FAM13A: variants seen among roughly 807,000 people sequenced by gnomAD.
The protein encoded by FAM13A is family with sequence similarity 13 member A, also known as protein FAM13A.
FAM13A carries 76 observed loss-of-function variants against 129.6 expected under a neutral mutation model. That is an observed-to-expected ratio of 0.59 (90% CI 0.49 to 0.71). The LOEUF is 0.71. Ranked by LOEUF, FAM13A falls within the 30% of genes least tolerant of loss-of-function variation. The pLI, the probability that FAM13A is intolerant of heterozygous loss-of-function variation, is 0.00. For missense variants in FAM13A, 1,108 were observed against 1,249.3 expected (o/e 0.89, Z 1.70); for synonymous variants, 443 against 449.9 (o/e 0.98, Z 0.20).
At chr4:88,813,172 C>T in intron 7 of FAM13A, among the ~76,000 whole-genome samples, 1 of 152,108 alleles carries the variant, frequency 6.6e-6, no homozygotes, top group Non-Finnish European at 1.5e-5. Context: ...TGAGTATGGC[C>T]TTGCCACACA....
At chr4:88,842,361 A>C (rs986561487) in intron 7 of FAM13A, among the ~76,000 whole-genome samples, 3 of 152,264 alleles carry the variant, frequency 2.0e-5, no homozygotes, top group Admixed American at 6.5e-5. Context: ...GCTCAGATAT[A>C]GAATGAAGAA....
chr4:88,843,887 G>A (rs1385474288), intron 7 of FAM13A, among the ~76,000 whole-genome samples: 1 of 152,192 alleles, frequency 6.6e-6, no homozygotes, highest in African/African-American at 2.4e-5. Flanking sequence ...GCGCACGGCT[G>A]TCCTGGCTTC....
intron 6 of FAM13A, among the ~76,000 whole-genome samples, chr4:88,858,208 C>T (rs1738877750): frequency 6.6e-6 from 1 of 152,186 alleles, no homozygotes; most frequent in South Asian, 2.1e-4. Context: ...TTAGAAGCTA[C>T]TCAGGTAAAT....
At chr4:88,786,751 T>C (rs1273067) in intron 10 of FAM13A, among the ~76,000 whole-genome samples, 1 of 152,286 alleles carries the variant, frequency 6.6e-6, no homozygotes, top group East Asian at 1.9e-4. Flanking sequence ...TTTATACTGT[T>C]TATCTTTTAT....
chr4:88,815,234 A>AC (rs760029788), intron 7 of FAM13A, among the ~76,000 whole-genome samples: 6 of 151,354 alleles, frequency 4.0e-5, no homozygotes, highest in African/African-American at 1.2e-4. Context: ...GTCTTAAACC[A>AC]CCCCCCCACC....
At position 88,838,964 on chromosome 4, in the gene FAM13A, TC is replaced by T. The variant is rs572673128; in HGVS notation, c.1007+12055del. ...CCTGTTCACAGCATTTTTTCATTTTTCCCTTCTTTGTGTTTTTTTCATTGTT... is the reference window on the plus strand; with the variant it reads ...CCTGTTCACAGCATTTTTTCATTTTTCCTTCTTTGTGTTTTTTTCATTGTT... On this transcript the variant is annotated intron_variant, in intron 7 of 23. Coordinates refer to ENST00000264344, the MANE Select transcript of FAM13A (RefSeq NM_014883.4). 6.6e-5 allele frequency among the ~76,000 whole-genome samples: 10 copies of T among 152,278 alleles called. No homozygotes were observed. In the South Asian group the frequency reaches 2.1e-3, roughly 32 times the overall value.
intron 4 of FAM13A, among the ~76,000 whole-genome samples, chr4:88,967,489 G>A (rs553297508): frequency 5.2e-4 from 79 of 152,286 alleles, no homozygotes; most frequent in Admixed American, 1.0e-3. Context: ...TTATTGGTAA[G>A]TTCCATGTGG....
At chr4:88,919,067 TCTGACA>T (rs1750577915) in intron 5 of FAM13A, among the ~76,000 whole-genome samples, 1 of 152,218 alleles carries the variant, frequency 6.6e-6, no homozygotes, top group South Asian at 2.1e-4. Context: ...CATTAACTAC[TCTGACA>T]CTATTTTCCC....
At chr4:88,853,585 C>T (rs1490956879) in intron 6 of FAM13A, among the ~76,000 whole-genome samples, 4 of 152,108 alleles carry the variant, frequency 2.6e-5, no homozygotes, top group African/African-American at 4.8e-5. Flanking sequence ...TAGTTCCCTG[C>T]CCATATTAAA....
At chr4:89,026,353 G>A (rs917687409) in intron 2 of FAM13A, among the ~76,000 whole-genome samples, 1 of 152,168 alleles carries the variant, frequency 6.6e-6, no homozygotes, top group Non-Finnish European at 1.5e-5. Flanking sequence ...ATCCAGAGCT[G>A]TTTTCTAAGA....
chr4:89,012,661 T>A (rs775513122), intron 3 of FAM13A, among the ~76,000 whole-genome samples: 3 of 152,180 alleles, frequency 2.0e-5, no homozygotes, highest in Non-Finnish European at 2.9e-5. Flanking sequence ...TACAAGATGT[T>A]AAGGGTCAGG....
At position 88,727,490 on chromosome 4, in the gene FAM13A, GCT is replaced by G. The variant is rs922323112; in HGVS notation, c.*1041_*1042del. On this transcript the variant is annotated 3_prime_UTR_variant, in exon 24 of 24. Transcript: ENST00000264344. ...TGATTTAGATTCTGCCTTGGGCTGA[GCT>G]CTGAGGGCTACATTTACCTGTCAGT... The G allele has an allele frequency of 6.6e-6, 1 of 152,536 alleles. No homozygotes were observed. Among genetic ancestry groups the G allele is most frequent in the African/African-American group, 2.4e-5 (1 of 41,410 alleles). The allele number at this position is 152,536 out of a possible 1,614,324, so 9.4% of individuals were successfully genotyped here. A position where few individuals can be genotyped will look rare whatever the true frequency, so the allele number is the denominator to read the frequency against.
At chr4:88,847,892 G>A (rs554286912) in intron 7 of FAM13A, among the ~76,000 whole-genome samples, 1 of 152,046 alleles carries the variant, frequency 6.6e-6, no homozygotes, top group East Asian at 1.9e-4. Flanking sequence ...AGCGGAGATT[G>A]CAGTGAGCAG....
intron 3 of FAM13A, among the ~76,000 whole-genome samples, chr4:88,994,247 A>G (rs1381322021): frequency 1.3e-5 from 2 of 152,158 alleles, no homozygotes; most frequent in Non-Finnish European, 2.9e-5. Flanking sequence ...GTTCAAATAT[A>G]CTGACAGTAC....
At chr4:88,985,549 G>A (rs1202522067) in intron 4 of FAM13A, among the ~76,000 whole-genome samples, 3 of 152,090 alleles carry the variant, frequency 2.0e-5, no homozygotes, top group South Asian at 2.1e-4. Context: ...AAATTTTTGC[G>A]AAATCCTCTT....
chr4:88,781,329 T>A lies in FAM13A; in HGVS notation c.1294A>T (p.Thr432Ser). The change falls in exon 11 of 24, where the codon ACT becomes TCT. Residue 432 changes from threonine (T) to serine (S), a missense_variant. Thr to Ser is a moderately conservative substitution (Grantham distance 58). This residue lies in a region of FAM13A where 566 missense variants were observed against 595.7 expected (regional missense o/e 0.95). Transcript: ENST00000264344. ...TCAAGGTGGTTGAACCCAGAAGGAG[T>A]ATTTTCTTTGTTGATAAGTCCCCTT... ...RDKGLINKEN[T>S]PSGFNHLDDC... The A allele has an allele frequency of 1.2e-6, 2 of 1,603,260 alleles. No homozygotes were observed. Among genetic ancestry groups the A allele is most frequent in the Non-Finnish European group, 1.7e-6 (2 of 1,175,556 alleles).
At chr4:88,731,633 TCCTGC>T in intron 22 of FAM13A, 1 of 556,148 alleles carries the variant, frequency 1.8e-6, no homozygotes, top group East Asian at 3.0e-5. Context: ...TTCTGGGGGT[TCCTGC>T]TACTTGGGAA....
chr4:88,914,472 A>AC (rs1749756899), intron 5 of FAM13A, among the ~76,000 whole-genome samples: 1 of 151,978 alleles, frequency 6.6e-6, no homozygotes, highest in African/African-American at 2.4e-5. Context: ...TTCTTCAAAT[A>AC]CCCCAAGTCC....
chr4:88,807,836 A>T (rs1386207348), intron 7 of FAM13A, among the ~76,000 whole-genome samples: 2 of 152,220 alleles, frequency 1.3e-5, no homozygotes, highest in African/African-American at 2.4e-5. Context: ...TCATAAGCAA[A>T]TATTTTATCT....
Sources: allele counts gnomAD v4.1 joint callset (sites outside exome capture counted in the v4.1 genomes callset), GRCh38; gene constraint gnomAD v4.1.1; regional missense constraint gnomAD v4.1.1; transcripts MANE v1.5; gene names NCBI Gene and HGNC (gene_info 2026-07-23, HGNC 2026-07-21).